The following DSCAM variants were observed in gnomAD, a reference collection of about 807,000 sequenced individuals.
The protein encoded by DSCAM is DS cell adhesion molecule.
In DSCAM, 47 loss-of-function variants were observed where a neutral mutation model predicts 217.7. The observed-to-expected ratio is 0.22, with a 90% CI of 0.17 to 0.28. DSCAM has a LOEUF of 0.28. Among genes scored for constraint, DSCAM ranks in the 10% least tolerant of loss-of-function variants. The pLI, the probability that DSCAM is intolerant of heterozygous loss-of-function variation, is 1.00. For missense variants in DSCAM, 2,080 were observed against 2,618.3 expected (o/e 0.79, Z 4.49); for synonymous variants, 1,056 against 1,015.3 (o/e 1.04, Z -0.76).
At chr21:40,613,236 T>C (rs2089340200) in intron 3 of DSCAM, among the ~76,000 whole-genome samples, 1 of 152,198 alleles carries the variant, frequency 6.6e-6, no homozygotes, top group African/African-American at 2.4e-5. Flanking sequence ...ATGTTTTAAA[T>C]AGGAACAAAC....
chr21:40,763,695 T>C (rs2091359175), intron 1 of DSCAM, among the ~76,000 whole-genome samples: 1 of 152,166 alleles, frequency 6.6e-6, no homozygotes, highest in Non-Finnish European at 1.5e-5. Flanking sequence ...CTTCAAAATA[T>C]ACTACAAGTC....
intron 1 of DSCAM, among the ~76,000 whole-genome samples, chr21:40,738,183 T>C (rs1330586244): frequency 1.3e-5 from 2 of 152,242 alleles, no homozygotes; most frequent in Non-Finnish European, 1.5e-5. Context: ...ACAATTAGTT[T>C]CTTGCTTTTG....
chr21:40,178,726 A>T (rs2090760524), intron 15 of DSCAM, among the ~76,000 whole-genome samples: 1 of 152,188 alleles, frequency 6.6e-6, no homozygotes, highest in South Asian at 2.1e-4. Flanking sequence ...CTTGAACTAA[A>T]TCCTATTTGA....
chr21:40,706,242 T>A (rs1051433117), intron 2 of DSCAM, among the ~76,000 whole-genome samples: 6 of 149,144 alleles, frequency 4.0e-5, no homozygotes, highest in Admixed American at 2.7e-4. Flanking sequence ...GAGAAAACAA[T>A]CATGAGAAAT....
rs60218248 is a variant in DSCAM, at chr21:40,104,879, T to G, written c.3697-11005A>C. On this transcript the variant is annotated intron_variant, in intron 20 of 32. Coordinates refer to ENST00000400454, the MANE Select transcript of DSCAM (RefSeq NM_001389.5). Reference sequence around the variant, plus strand: ...TGCTTAAAAAATAAAGTCAAGTTTTTTAAAGGCATTTTAGCCTGTGGATAA... The same window carrying G: ...TGCTTAAAAAATAAAGTCAAGTTTTGTAAAGGCATTTTAGCCTGTGGATAA... Among the ~76,000 whole-genome samples the G allele has an allele frequency of 3.7e-3, 556 of 152,270 alleles. 5 individuals are homozygous for G. The highest frequency in any genetic ancestry group is 0.013 in the African/African-American group (522 of 41,546).
At chr21:40,310,169 C>A (rs1023618074) in intron 9 of DSCAM, among the ~76,000 whole-genome samples, 5 of 152,120 alleles carry the variant, frequency 3.3e-5, no homozygotes, top group Non-Finnish European at 7.4e-5. Flanking sequence ...TCTGAATGTA[C>A]AACAAAGTTT....
rs761687929 is a variant in DSCAM at position 40,602,053 on chromosome 21, C to CTTTTTTTT, written c.508+90749_508+90756dup. Among the ~76,000 whole-genome samples the CTTTTTTTT allele has an allele frequency of 9.4e-4, 84 of 89,500 alleles. 3 individuals carry two copies. The highest frequency in any genetic ancestry group is 2.3e-3 in the African/African-American group (47 of 20,620). The allele number at this position is 89,500 out of a possible 152,430, so 58.7% of individuals were successfully genotyped here. The stretch of plus-strand genomic sequence containing the variant: ...TTAGCAAATGTTCCCTCTGCTTCTA[C>CTTTTTTTT]TTTTTTTTTTTTTTTTTTTTTTTTT... On this transcript the variant is annotated intron_variant, in intron 3 of 32. Transcript: ENST00000400454.
intron 1 of DSCAM, among the ~76,000 whole-genome samples, chr21:40,755,467 A>AT (rs56969719): frequency 1.4e-5 from 2 of 145,164 alleles, no homozygotes; most frequent in Admixed American, 7.0e-5. Context: ...AAATAAATAA[A>AT]AAATAAAAAA....
At chr21:40,248,538 C>G in intron 11 of DSCAM, among the ~76,000 whole-genome samples, 1 of 152,318 alleles carries the variant, frequency 6.6e-6, no homozygotes, top group East Asian at 1.9e-4. Flanking sequence ...CAGTTCCCAA[C>G]AAGTTCCTCA....
chr21:40,608,109 G>A lies in DSCAM; in HGVS notation c.508+84701C>T, dbSNP rs1003747324. ...ATCACCTCTAAAGAGCACCATAAAT[G>A]GTAGGAGGAGACTGATTATAAAATA... On this transcript the variant is annotated intron_variant, in intron 3 of 32. Transcript: ENST00000400454. 2.0e-5 allele frequency among the ~76,000 whole-genome samples: 3 copies of A among 152,288 alleles called. No individual in the cohort carries two copies. In the East Asian group the frequency reaches 5.8e-4, roughly 29 times the overall value.
chr21:40,528,827 G>A (rs969180138), intron 3 of DSCAM, among the ~76,000 whole-genome samples: 1 of 151,486 alleles, frequency 6.6e-6, no homozygotes, highest in African/African-American at 2.4e-5. Flanking sequence ...AGCGAGGTGA[G>A]CAGCAGTCAG....
intron 11 of DSCAM, among the ~76,000 whole-genome samples, chr21:40,255,300 C>A (rs1281546686): frequency 6.6e-6 from 1 of 152,114 alleles, no homozygotes; most frequent in African/African-American, 2.4e-5. Context: ...TCTGCAACCC[C>A]ATGTTATGGT....
intron 30 of DSCAM, among the ~76,000 whole-genome samples, chr21:40,048,666 T>C (rs1207101345): frequency 1.3e-5 from 2 of 152,210 alleles, no homozygotes; most frequent in Non-Finnish European, 2.9e-5. Flanking sequence ...AACACAGTCC[T>C]AACATACAAA....
chr21:40,300,117 T>A (rs1162028264), intron 9 of DSCAM, among the ~76,000 whole-genome samples: 1 of 152,068 alleles, frequency 6.6e-6, no homozygotes, highest in Non-Finnish European at 1.5e-5. Context: ...CTTCTCCACA[T>A]CTTACTCAAC....
chr21:40,550,901 T>C (rs1035842733), intron 3 of DSCAM, among the ~76,000 whole-genome samples: 4 of 152,124 alleles, frequency 2.6e-5, no homozygotes, highest in Non-Finnish European at 5.9e-5. Flanking sequence ...GTTTGAATAG[T>C]TGGATGCAAG....
At chr21:40,337,625 T>C (rs1478882397) in intron 8 of DSCAM, among the ~76,000 whole-genome samples, 3 of 152,196 alleles carry the variant, frequency 2.0e-5, no homozygotes, top group Non-Finnish European at 4.4e-5. Flanking sequence ...TTCTGTGGCA[T>C]CCTTTAAACA....
intron 3 of DSCAM, among the ~76,000 whole-genome samples, chr21:40,422,297 G>T (rs71318522): frequency 0.021 from 3,152 of 152,260 alleles, 52 homozygotes; most frequent in Non-Finnish European, 0.036. Flanking sequence ...GACATATTTG[G>T]ATATTTTAAT....
chr21:40,810,814 A>G (rs1283858533), intron 1 of DSCAM, among the ~76,000 whole-genome samples: 1 of 152,184 alleles, frequency 6.6e-6, no homozygotes, highest in Non-Finnish European at 1.5e-5. Flanking sequence ...CTGAGGATGG[A>G]GGATTGCTTG....
intron 11 of DSCAM, among the ~76,000 whole-genome samples, chr21:40,221,155 G>GA (rs2146903597): frequency 6.6e-6 from 1 of 152,178 alleles, no homozygotes; most frequent in East Asian, 1.9e-4. Flanking sequence ...CAAACAGGAT[G>GA]AAAAAGAGTT....
Sources: allele counts gnomAD v4.1 joint callset (sites outside exome capture counted in the v4.1 genomes callset), GRCh38; gene constraint gnomAD v4.1.1; transcripts MANE v1.5; gene names NCBI Gene and HGNC (gene_info 2026-07-23, HGNC 2026-07-21).